The following DMPK variants were observed in gnomAD, a reference collection of about 807,000 sequenced individuals.
DMPK encodes the protein DM1 protein kinase, also known as myotonin-protein kinase.
Under a neutral mutation model 70.3 loss-of-function variants are expected in DMPK, and 32 were observed. That is an observed-to-expected ratio of 0.46 (90% CI 0.34 to 0.61). DMPK has a LOEUF of 0.61. DMPK is among the 20% of genes least tolerant of loss of function. The pLI is 0.01. For missense variants in DMPK, 899 were observed against 886.0 expected, an observed-to-expected ratio of 1.01 and a Z score of -0.19; for synonymous variants, 469 against 390.9, an observed-to-expected ratio of 1.20 and a Z score of -2.36.
Position 45,770,295 on chromosome 19 carries a change from C to G in DMPK, c.*193G>C, listed in dbSNP as rs542701186. Reference sequence around the variant, plus strand: ...CCGGCTACAAGGACCCTTCGAGCCCCGTTCGCCGGCCGCGGACCCGGCCCC... The same window carrying G: ...CCGGCTACAAGGACCCTTCGAGCCCGGTTCGCCGGCCGCGGACCCGGCCCC... On this transcript the variant is annotated 3_prime_UTR_variant, in exon 15 of 15. Transcript: ENST00000291270. 1 of 795,002 alleles carries G rather than the reference C, an allele frequency of 1.3e-6. No homozygotes were observed. The highest frequency in any genetic ancestry group is 3.0e-5 in the East Asian group (1 of 33,524). 49.2% of individuals were successfully genotyped at this position (795,002 alleles called of 1,614,324 possible).
At chr19:45,779,107 C>A in intron 4 of DMPK, 157 bp downstream of exon 4, 2 of 727,382 alleles carry the variant, frequency 2.7e-6, no homozygotes, top group East Asian at 2.6e-5. Flanking sequence ...AGGGAAGGCC[C>A]CTCATCCACC....
Position 45,771,900 on chromosome 19 carries a change from G to C in DMPK, c.1373C>G (p.Pro458Arg). Residue 458 changes from proline to arginine, a missense_variant, in exon 11 of 15, where the codon CCT becomes CGT. Physicochemically the swap from Pro to Arg is moderately radical, Grantham distance 103 (BLOSUM62 -2). Transcript: ENST00000291270. ...CACCTCGGCCTCAGCCTCTGCCGCA[G>C]GGACAGCCGCTGGAACTGCCACTTC... ...TAEVAVPAAV[P>R]AAEAEAEVTL... 1.3e-6 allele frequency: 2 copies of C among 1,596,906 alleles called. No individual in the cohort carries two copies. Among genetic ancestry groups the C allele is most frequent in the Non-Finnish European group, 1.7e-6 (2 of 1,171,952 alleles).
intron 4 of DMPK, 123 bp from the exon 5 acceptor site, chr19:45,778,764 G>A (rs1969931947): frequency 2.8e-6 from 3 of 1,053,088 alleles, no homozygotes; most frequent in South Asian, 1.6e-5. Context: ...CCCCAGCCCA[G>A]AGATAACCAT....
chr19:45,778,396 A>T, intron 5 of DMPK, 97 bp downstream of exon 5: 1 of 1,498,674 alleles, frequency 6.7e-7, no homozygotes, highest in South Asian at 1.2e-5. Flanking sequence ...CCCAACCAAG[A>T]AGGTCCCTCT....
chr19:45,772,073 A>C (rs1030223082), intron 10 of DMPK, 145 bp from the exon 11 acceptor site: 1 of 1,121,236 alleles, frequency 8.9e-7, no homozygotes, highest in Non-Finnish European at 1.2e-6. Flanking sequence ...TCCTGCAATG[A>C]TCCAAGCCCC....
intron 1 of DMPK, chr19:45,780,264 C>T: frequency 6.6e-7 from 1 of 1,507,826 alleles, no homozygotes; most frequent in Non-Finnish European, 8.8e-7. Context: ...GGCCCCACCC[C>T]CACGTTCTCA....
chr19:45,772,785 C>A (rs761832870), intron 9 of DMPK, 33 bp from the exon 10 acceptor site: 1 of 1,293,696 alleles, frequency 7.7e-7, no homozygotes, highest in Non-Finnish European at 1.0e-6. Flanking sequence ...GGGAGGGAGA[C>A]AGAATGCTGA....
intron 9 of DMPK, among the ~76,000 whole-genome samples, chr19:45,773,026 G>T (rs1028352547): frequency 6.6e-6 from 1 of 152,296 alleles, no homozygotes; most frequent in Non-Finnish European, 1.5e-5. Context: ...CATGTTCTAG[G>T]GTCAGCTCAT....
At position 45,782,241 on chromosome 19, in the gene DMPK, C is replaced by A. The variant is rs758089399; in HGVS notation, c.112G>T (p.Ala38Ser). Residue 38 changes from alanine (A) to serine (S), a missense_variant, in exon 1 of 15, where the codon GCC (alanine) becomes TCC (serine). By Grantham distance (99) the Ala-to-Ser change is moderately conservative (BLOSUM62 1). This residue lies in a region of DMPK where 149 missense variants were observed against 142.5 expected (regional missense o/e 1.05). Coordinates refer to ENST00000291270, the MANE Select transcript of DMPK (RefSeq NM_004409.5). ...TACTTGTCCTGGGCCAGTTCGGAGGCGCCCAGCTCCTGGTGGACGCCCAGG... is the reference window on the plus strand; with the variant it reads ...TACTTGTCCTGGGCCAGTTCGGAGGAGCCCAGCTCCTGGTGGACGCCCAGG... The part of the protein sequence containing the change: ...LLLGVHQELG[A>S]SELAQDKYVA... 20 of 1,609,106 alleles carry A rather than the reference C, an allele frequency of 1.2e-5. No homozygotes were observed. Among genetic ancestry groups the A allele is most frequent in the Middle Eastern group, 3.4e-4 (2 of 5,962 alleles).
intron 8 of DMPK, chr19:45,776,681 A>T (rs1969790701): frequency 6.6e-6 from 1 of 152,378 alleles, no homozygotes; most frequent in Non-Finnish European, 1.5e-5. Context: ...GCTGGTCTCG[A>T]ACTCCTGGGC....
rs1969912983 is a variant in DMPK at position 45,778,536 on chromosome 19, C to T, written c.538G>A (p.Val180Ile). The T allele has an allele frequency of 6.2e-7, 1 of 1,613,874 alleles. No homozygotes were observed. The highest frequency in any genetic ancestry group is 1.1e-5 in the South Asian group (1 of 91,090). ...CGGTGCACCGAGTCTATGGCCATGA[C>T]AATCTCCGCCAGGTAGAAGCGCGCC... ...EMARFYLAEI[V>I]MAIDSVHRLG... Residue 180 changes from valine (V) to isoleucine (I), a missense_variant, in exon 5 of 15, where the codon GTC becomes ATC. This residue lies in a region of DMPK where 195 missense variants were observed against 259.7 expected (regional missense o/e 0.75). Coordinates refer to ENST00000291270, the MANE Select transcript of DMPK (RefSeq NM_004409.5).
At chr19:45,780,496 C>T (rs1349099500) in intron 1 of DMPK, 2 of 1,124,614 alleles carry the variant, frequency 1.8e-6, no homozygotes, top group Non-Finnish European at 2.2e-6. Context: ...TAGTCCTACC[C>T]CTTATTTACA....
Position 45,778,618 on chromosome 19 carries a change from C to T in DMPK, c.456G>A (p.Val152=), listed in dbSNP as rs34798952. The change falls in exon 5 of 15, where the codon GTG becomes GTA. Residue 152 remains valine, a synonymous_variant. Coordinates refer to ENST00000291270, the MANE Select transcript of DMPK (RefSeq NM_004409.5). ...TCAGCAGTGTCAGCAGGTCCCCGCC[C>T]ACGTAATACTCCATGACCAGGTACT... The part of the protein sequence containing the change: ...NYLYLVMEYY[V]GGDLLTLLSK... 5.0e-3 allele frequency: 8,149 copies of T among 1,613,854 alleles called. 344 individuals are homozygous for T. In the African/African-American group the frequency reaches 0.093, roughly 18 times the overall value.
intron 8 of DMPK, 33 bp from the exon 9 acceptor site, chr19:45,775,067 G>C (rs201243969): frequency 3.2e-6 from 5 of 1,565,302 alleles, no homozygotes; most frequent in Non-Finnish European, 3.5e-6. Context: ...AGCAGCAGTC[G>C]TCAGGGCGGG....
intron 1 of DMPK, among the ~76,000 whole-genome samples, chr19:45,781,005 G>C (rs920123055): frequency 6.6e-5 from 10 of 152,180 alleles, no homozygotes; most frequent in African/African-American, 2.4e-4. Flanking sequence ...GAGGCCAGGA[G>C]AGTCATTAGG....
At position 45,771,123 on chromosome 19, in the gene DMPK, G is replaced by A. The variant is rs1428579521; in HGVS notation, c.1648-63C>T. ...AGCCCAGCCCTCAGCGGTGGGGCGA[G>A]AGACAGCGAGGGGAATCGAGGTTGG... is the stretch of plus-strand genomic sequence containing the variant. On this transcript the variant is annotated intron_variant, in intron 13 of 14. Coordinates refer to ENST00000291270, the MANE Select transcript of DMPK (RefSeq NM_004409.5). 3.7e-6 allele frequency: 5 copies of A among 1,351,318 alleles called. No individual in the cohort carries two copies. In the African/African-American group the frequency reaches 5.9e-5, roughly 16 times the overall value. The allele number at this position is 1,351,318 out of a possible 1,614,324, so 83.7% of individuals were successfully genotyped here. A position where few individuals can be genotyped will look rare whatever the true frequency, so the allele number is the denominator to read the frequency against.
At position 45,771,843 on chromosome 19, in the gene DMPK, T is replaced by A. The variant is rs1353124115; in HGVS notation, c.1430A>T (p.Glu477Val). ...CAGGCTCTGCCGGGTGAGCACCTCC[T>A]CCTCCAGGGCTTCCTGGAGCTCCCG... Reference protein sequence around the residue: ...TLRELQEALEEEVLTRQSLSR... With the variant: ...TLRELQEALEVEVLTRQSLSR... Residue 477 changes from glutamate to valine, a missense_variant, in exon 11 of 15, where the codon GAG (glutamate) becomes GTG (valine). Transcript: ENST00000291270. 2.5e-6 allele frequency: 4 copies of A among 1,576,214 alleles called. No individual in the cohort carries two copies. In the South Asian group the frequency reaches 4.6e-5, roughly 18 times the overall value.
In DMPK at chr19:45,779,836, C is replaced by G. The variant is rs1970016889; in HGVS notation, c.194G>C (p.Arg65Pro). 1.3e-6 allele frequency: 2 copies of G among 1,599,526 alleles called. No homozygotes were observed. The highest frequency in any genetic ancestry group is 1.7e-6 in the Non-Finnish European group (2 of 1,171,654). The stretch of plus-strand genomic sequence containing the variant: ...AATCTCGAAGTCGTCCCTCTGCAGT[C>G]GGACCTCCTTAAGCCTCACCACGAT... ...EPIVVRLKEV[R>P]LQRDDFEILK... is the part of the protein sequence containing the mutation. The change falls in exon 2 of 15, where the codon CGA (arginine) becomes CCA (proline). Residue 65 changes from arginine (R) to proline (P), a missense_variant. By Grantham distance (103) the Arg-to-Pro change is moderately radical. This residue lies in a region of DMPK where 149 missense variants were observed against 142.5 expected (regional missense o/e 1.05). Transcript: ENST00000291270.
intron 12 of DMPK, 50 bp from the exon 13 acceptor site, chr19:45,771,446 C>T (rs1333718648): frequency 1.2e-6 from 2 of 1,610,504 alleles, no homozygotes. Flanking sequence ...CGAAGGAGGG[C>T]GGTGGCGCGG....
Sources: allele counts gnomAD v4.1 joint callset (sites outside exome capture counted in the v4.1 genomes callset), GRCh38; gene constraint gnomAD v4.1.1; regional missense constraint gnomAD v4.1.1; transcripts MANE v1.5; gene names NCBI Gene and HGNC (gene_info 2026-07-23, HGNC 2026-07-21).